Variants in TOX observed in about 807,000 individuals in gnomAD.
TOX encodes the protein thymocyte selection-associated high mobility group box protein TOX.
Under a neutral mutation model 53.7 loss-of-function variants are expected in TOX, and 11 were observed. That is an observed-to-expected ratio of 0.20 (90% CI 0.13 to 0.34). TOX has a LOEUF of 0.34. TOX is among the 10% of genes least tolerant of loss of function. The probability of loss-of-function intolerance (pLI) is 1.00; values close to 1 mark genes in which losing one functional copy is unlikely to be tolerated. For synonymous variants in TOX, 225 were observed against 245.3 expected, an observed-to-expected ratio of 0.92 and a Z score of 0.77; for missense variants, 570 against 664.6, an observed-to-expected ratio of 0.86 and a Z score of 1.56.
At chr8:59,051,825 A>G (rs2129421338) in intron 1 of TOX, among the ~76,000 whole-genome samples, 1 of 152,300 alleles carries the variant, frequency 6.6e-6, no homozygotes, top group South Asian at 2.1e-4. Flanking sequence ...GACTCCCAAT[A>G]CTGCCCTGAT....
At chr8:58,884,093 A>G (rs1326169593) in intron 3 of TOX, among the ~76,000 whole-genome samples, 1 of 152,198 alleles carries the variant, frequency 6.6e-6, no homozygotes, top group African/African-American at 2.4e-5. Context: ...GCAGAAAGAA[A>G]GAAAACACCA....
At chr8:58,847,674 G>T (rs893756650) in intron 4 of TOX, among the ~76,000 whole-genome samples, 4 of 151,980 alleles carry the variant, frequency 2.6e-5, no homozygotes, top group Non-Finnish European at 5.9e-5. Context: ...ATTACAATCG[G>T]AATGCATGCA....
intron 1 of TOX, among the ~76,000 whole-genome samples, chr8:59,032,305 C>T (rs1814373353): frequency 6.6e-6 from 1 of 152,180 alleles, no homozygotes; most frequent in East Asian, 1.9e-4. Context: ...AGCTGTGACA[C>T]AGTAAAATCA....
intron 3 of TOX, among the ~76,000 whole-genome samples, chr8:58,908,102 C>T (rs554610186): frequency 6.4e-4 from 97 of 152,180 alleles, no homozygotes; most frequent in Middle Eastern, 6.8e-3. Flanking sequence ...TTTCCCAGAG[C>T]CCCCGCCATA....
chr8:58,931,658 T>C (rs141484234), intron 3 of TOX, among the ~76,000 whole-genome samples: 1 of 152,216 alleles, frequency 6.6e-6, no homozygotes, highest in African/African-American at 2.4e-5. Context: ...AGTTATGGAA[T>C]CTTGGCTCTT....
At chr8:58,994,518 T>C (rs995814277) in intron 1 of TOX, among the ~76,000 whole-genome samples, 2 of 152,124 alleles carry the variant, frequency 1.3e-5, no homozygotes, top group African/African-American at 4.8e-5. Flanking sequence ...AAAGTTCTAC[T>C]GTCCAGAATG....
chr8:58,901,124 A>C (rs894947326), intron 3 of TOX, among the ~76,000 whole-genome samples: 1 of 152,148 alleles, frequency 6.6e-6, no homozygotes, highest in Non-Finnish European at 1.5e-5. Context: ...TTGTTTGGTG[A>C]CTTTGCTTTG....
intron 1 of TOX, among the ~76,000 whole-genome samples, chr8:59,098,424 C>T (rs1157215270): frequency 1.4e-5 from 2 of 142,472 alleles, no homozygotes; most frequent in African/African-American, 2.6e-5. Flanking sequence ...GAATAAACTT[C>T]TTTTTTTTTT....
chr8:59,017,214 TATC>T (rs1291516802), intron 1 of TOX, among the ~76,000 whole-genome samples: 2 of 152,372 alleles, frequency 1.3e-5, no homozygotes, highest in East Asian at 1.9e-4. Context: ...ATATGCTACT[TATC>T]ATACTGTAGC....
intron 3 of TOX, among the ~76,000 whole-genome samples, chr8:58,898,756 C>T (rs760071672): frequency 1.3e-5 from 2 of 152,168 alleles, no homozygotes; most frequent in African/African-American, 2.4e-5. Flanking sequence ...GTGAATCCCA[C>T]GAGGACACTG....
rs1411747146 is a variant in TOX, at chr8:58,815,564, T to C, written c.1166A>G (p.His389Arg). 1.2e-6 allele frequency: 2 copies of C among 1,614,014 alleles called. No homozygotes were observed. Among genetic ancestry groups the C allele is most frequent in the African/African-American group, 2.7e-5 (2 of 74,904 alleles). ...GGCTATGTTCCTGGGGAGACTAGGA[T>C]GCATGGCAGTTAGGTGAGGATTCAT... Reference protein sequence around the residue: ...PGMNPHLTAMHPSLPRNIAPK... With the variant: ...PGMNPHLTAMRPSLPRNIAPK... Residue 389 changes from histidine to arginine, a missense_variant, in exon 7 of 9, where the codon CAT becomes CGT. Coordinates refer to ENST00000361421, the MANE Select transcript of TOX (RefSeq NM_014729.3).
Position 58,854,976 on chromosome 8 carries a change from C to T in TOX, c.412-3171G>A, listed in dbSNP as rs562544666. 2.0e-4 allele frequency among the ~76,000 whole-genome samples: 31 copies of T among 152,248 alleles called. No homozygotes were observed. In the South Asian group the frequency reaches 5.8e-3, roughly 28 times the overall value. ...TAATGTTTTGACTATTGGTTTCCTG[C>T]TGTAAAGATATTGATTGACTACAGC... On this transcript the variant is annotated intron_variant, in intron 3 of 8. Coordinates refer to ENST00000361421, the MANE Select transcript of TOX (RefSeq NM_014729.3).
In TOX at chr8:59,044,212, C is replaced by A. The variant is rs147801272; in HGVS notation, c.102+74674G>T. ...TCAGAAGGAAAAAAAATTCCATTTT[C>A]CCTTTCATGGCACTCATCAAAAAAA... On this transcript the variant is annotated intron_variant, in intron 1 of 8. Transcript: ENST00000361421. 7.3e-4 allele frequency among the ~76,000 whole-genome samples: 106 copies of A among 145,188 alleles called. 1 individual carries two copies. The highest frequency in any genetic ancestry group is 2.5e-3 in the African/African-American group (95 of 38,368).
At chr8:59,017,574 C>T (rs1013285031) in intron 1 of TOX, among the ~76,000 whole-genome samples, 1 of 152,136 alleles carries the variant, frequency 6.6e-6, no homozygotes, top group African/African-American at 2.4e-5. Flanking sequence ...TTATTAGACA[C>T]CTGTTAGGTG....
At chr8:59,085,947 T>C (rs1804498806) in intron 1 of TOX, among the ~76,000 whole-genome samples, 2 of 150,770 alleles carry the variant, frequency 1.3e-5, no homozygotes, top group African/African-American at 2.4e-5. Context: ...ACCCATAGAG[T>C]ACTTTTTTTC....
At chr8:59,108,491 T>C (rs528419650) in intron 1 of TOX, among the ~76,000 whole-genome samples, 1 of 152,326 alleles carries the variant, frequency 6.6e-6, no homozygotes, top group Non-Finnish European at 1.5e-5. Flanking sequence ...GTAGGCATTA[T>C]ATATTTAAAG....
intron 1 of TOX, among the ~76,000 whole-genome samples, chr8:59,050,733 G>A (rs1288778804): frequency 1.3e-5 from 2 of 152,098 alleles, no homozygotes; most frequent in South Asian, 2.1e-4. Flanking sequence ...TTTGGTGTGT[G>A]TGCTAAGTAT....
chr8:59,085,979 C>CTTTTTTTTTTTTTTTTTTTTTTT (rs35593177), intron 1 of TOX, among the ~76,000 whole-genome samples: 13 of 88,820 alleles, frequency 1.5e-4, no homozygotes, highest in East Asian at 3.2e-4. Flanking sequence ...CTTTTCTTTT[C>CTTTTTTTTTTTTTTTTTTTTTTT]TTTTTTTTTT....
intron 1 of TOX, among the ~76,000 whole-genome samples, chr8:58,990,240 T>C (rs1226973040): frequency 6.6e-6 from 1 of 152,062 alleles, no homozygotes; most frequent in African/African-American, 2.4e-5. Context: ...GGAGCTGGGA[T>C]AGAAATTCAG....
Sources: gnomAD v4.1 joint callset for allele counts (sites outside exome capture counted in the v4.1 genomes callset) on GRCh38, gnomAD v4.1.1 for gene constraint, MANE v1.5 for transcripts, NCBI Gene and HGNC (gene_info 2026-07-23, HGNC 2026-07-21) for gene names.